The following CLIC5 variants were observed in gnomAD, a reference collection of about 807,000 sequenced individuals.
CLIC5 encodes the protein CLIC family member 5.
In CLIC5, 20 loss-of-function variants were observed where a neutral mutation model predicts 24.7. The ratio of observed to expected loss-of-function variants is 0.81; its 90% CI spans 0.57 to 1.18. The LOEUF is 1.18. Among genes scored for constraint, CLIC5 ranks in the 50% most tolerant of loss-of-function variants. CLIC5 has a pLI of 0.00. For missense variants in CLIC5, 341 were observed against 326.1 expected (o/e 1.05, Z -0.35); for synonymous variants, 159 against 135.6 (o/e 1.17, Z -1.20).
At chr6:45,955,878 A>G (rs1026888962) in intron 1 of CLIC5, among the ~76,000 whole-genome samples, 2 of 152,152 alleles carry the variant, frequency 1.3e-5, no homozygotes, top group African/African-American at 4.8e-5. Flanking sequence ...TTCACTGTCA[A>G]TAATCCATTC....
At chr6:46,016,124 G>GAAGGGGAAGAGGAAGGGGAAAGGGA (rs1766996863), upstream of CLIC5, among the ~76,000 whole-genome samples, 2 of 136,064 alleles carry the variant, frequency 1.5e-5, no homozygotes, top group Non-Finnish European at 3.2e-5. Context: ...GGGGAAAGGG[G>GAAGGGGAAGAGGAAGGGGAAAGGGA]AAGGGGAAGA....
chr6:46,006,000 T>TA lies in CLIC5; in HGVS notation c.63+9479_63+9480insT, dbSNP rs1766544664. On this transcript the variant is annotated intron_variant, in intron 1 of 5. Transcript: ENST00000339561. ...TGTGTGTATATATATATATATATATTTATATATATATATATACACACATGT... is the reference window on the plus strand; with the variant it reads ...TGTGTGTATATATATATATATATATTATATATATATATATATACACACATGT... Among the ~76,000 whole-genome samples, 4 of 106,162 alleles carry TA rather than the reference T, an allele frequency of 3.8e-5. No individual in the cohort carries two copies. In the East Asian group the frequency reaches 1.1e-3, roughly 29 times the overall value. The allele number at this position is 106,162 out of a possible 152,430, so 69.6% of individuals were successfully genotyped here. A position where few individuals can be genotyped will look rare whatever the true frequency, so the allele number is the denominator to read the frequency against.
chr6:46,037,243 T>C (rs1298136241), intron 1 of CLIC5, among the ~76,000 whole-genome samples: 2 of 152,188 alleles, frequency 1.3e-5, no homozygotes, highest in Non-Finnish European at 2.9e-5. Context: ...CTTGATTTGG[T>C]TCCAAAATCA....
At chr6:45,969,475 T>A (rs1377360940) in intron 1 of CLIC5, among the ~76,000 whole-genome samples, 1 of 108,920 alleles carries the variant, frequency 9.2e-6, no homozygotes, top group Non-Finnish European at 1.7e-5. Flanking sequence ...TCTATCCAAC[T>A]CCTTCAGACT....
At chr6:46,006,128 A>G (rs1372032481) in intron 1 of CLIC5, among the ~76,000 whole-genome samples, 1 of 5,278 alleles carries the variant, frequency 1.9e-4, no homozygotes, top group Non-Finnish European at 3.9e-4. Context: ...GTATAAATAC[A>G]TATATATATA....
intron 1 of CLIC5, among the ~76,000 whole-genome samples, chr6:46,009,737 A>T (rs181739634): frequency 6.6e-6 from 1 of 152,150 alleles, no homozygotes; most frequent in Non-Finnish European, 1.5e-5. Flanking sequence ...AAAATCTGCA[A>T]AGAGAACCAG....
intron 1 of CLIC5, among the ~76,000 whole-genome samples, chr6:46,041,462 C>T (rs1310230157): frequency 6.6e-6 from 1 of 152,196 alleles, no homozygotes; most frequent in African/African-American, 2.4e-5. Flanking sequence ...CACCTCCCCA[C>T]TCCTTTCCTT....
chr6:46,055,979 G>A (rs988569044), intron 1 of CLIC5, among the ~76,000 whole-genome samples: 11 of 152,116 alleles, frequency 7.2e-5, no homozygotes, highest in Non-Finnish European at 1.2e-4. Flanking sequence ...TTTGAATTGT[G>A]CAAAACAAAA....
At chr6:45,920,655 C>G in intron 4 of CLIC5, 1 of 975,346 alleles carries the variant, frequency 1.0e-6, no homozygotes, top group Non-Finnish European at 1.2e-6. Context: ...ACTTACTCAT[C>G]TGTTGGAAGA....
chr6:46,127,394 A>G, the CLIC5 span, among the ~76,000 whole-genome samples: 3 of 152,184 alleles, frequency 2.0e-5, no homozygotes, highest in African/African-American at 7.2e-5. Flanking sequence ...TAATAAGTTT[A>G]GACTATTGCC....
intron 6 of CLIC5, among the ~76,000 whole-genome samples, chr6:45,891,170 A>T (rs1003517090): frequency 1.3e-5 from 2 of 152,244 alleles, no homozygotes; most frequent in Non-Finnish European, 1.5e-5. Context: ...GTATCAAAAC[A>T]TAACATTGCA....
chr6:46,103,872 CAAGCCAGCAGAAGGGT>C, the CLIC5 span, among the ~76,000 whole-genome samples: 1 of 152,160 alleles, frequency 6.6e-6, no homozygotes, highest in South Asian at 2.1e-4. Flanking sequence ...CAGGACCTGA[CAAGCCAGCAGAAGGGT>C]AAGAGATTCT....
intron 1 of CLIC5, among the ~76,000 whole-genome samples, chr6:46,072,199 A>G: frequency 6.6e-6 from 1 of 151,662 alleles, no homozygotes; most frequent in Admixed American, 6.6e-5. Flanking sequence ...AAATTTACCT[A>G]TATAACAAAT....
intron 1 of CLIC5, among the ~76,000 whole-genome samples, chr6:46,040,886 G>T (rs370463195): frequency 1.3e-5 from 2 of 152,248 alleles, no homozygotes; most frequent in Non-Finnish European, 2.9e-5. Context: ...TTTCTAGAAA[G>T]CAATCTACCA....
At chr6:45,961,056 A>T (rs769356837) in intron 1 of CLIC5, among the ~76,000 whole-genome samples, 4 of 152,222 alleles carry the variant, frequency 2.6e-5, no homozygotes, top group Non-Finnish European at 2.9e-5. Flanking sequence ...CCCAGACTAC[A>T]TCAGATGCTT....
chr6:45,958,439 T>TACACACACACACACACAC (rs1764727891), intron 1 of CLIC5, among the ~76,000 whole-genome samples: 1 of 12,396 alleles, frequency 8.1e-5, no homozygotes, highest in East Asian at 1.1e-3. Flanking sequence ...TATATATATA[T>TACACACACACACACACAC]ATATATATAT....
chr6:45,997,471 A>T (rs981737773), intron 1 of CLIC5, among the ~76,000 whole-genome samples: 1 of 150,572 alleles, frequency 6.6e-6, no homozygotes, highest in African/African-American at 2.4e-5. Flanking sequence ...AACCTACACA[A>T]TGTGCACATG....
chr6:46,075,556 G>C (rs991385412), intron 1 of CLIC5, among the ~76,000 whole-genome samples: 1 of 152,132 alleles, frequency 6.6e-6, no homozygotes, highest in African/African-American at 2.4e-5. Flanking sequence ...TTGCCCTCCA[G>C]CTTGGGCAAC....
chr6:46,005,731 A>T lies in CLIC5; in HGVS notation c.63+9749T>A, dbSNP rs186795768. ...AGGTCATGAGGGTGGAGCCCTCACA[A>T]ATGGGATTAGTGTTCTCATGAGGGG... On this transcript the variant is annotated intron_variant, in intron 1 of 5. Coordinates refer to ENST00000339561, the MANE Select transcript of CLIC5 (RefSeq NM_016929.5). Among the ~76,000 whole-genome samples the T allele has an allele frequency of 3.0e-3, 459 of 151,812 alleles. 1 individual carries two copies. The highest frequency in any genetic ancestry group is 9.7e-3 in the African/African-American group (403 of 41,362).
Sources: allele counts gnomAD v4.1 joint callset (sites outside exome capture counted in the v4.1 genomes callset), GRCh38; gene constraint gnomAD v4.1.1; transcripts MANE v1.5; gene names NCBI Gene and HGNC (gene_info 2026-07-23, HGNC 2026-07-21).